KLF17: variants seen among roughly 807,000 people sequenced by gnomAD.
KLF17 encodes the protein KLF transcription factor 17.
Under a neutral mutation model 34.2 loss-of-function variants are expected in KLF17, and 31 were observed. The ratio of observed to expected loss-of-function variants is 0.91; its 90% confidence interval spans 0.68 to 1.22. The LOEUF (loss-of-function observed/expected upper bound fraction) is 1.22, where lower values mean the gene tolerates loss of function less well. Among genes scored for constraint, KLF17 ranks in the 50% most tolerant of loss-of-function variants. The probability of loss-of-function intolerance (pLI) is 0.00; values close to 1 mark genes in which losing one functional copy is unlikely to be tolerated. For synonymous variants in KLF17, 179 were observed against 186.7 expected (o/e 0.96, Z 0.34); for missense variants, 478 against 505.2 (o/e 0.95, Z 0.52).
the KLF17 span, among the ~76,000 whole-genome samples, chr1:44,085,093 T>G: frequency 2.0e-5 from 3 of 151,636 alleles, no homozygotes; most frequent in Admixed American, 6.6e-5. Context: ...TATATATATA[T>G]GTATATATAT....
chr1:44,101,691 G>C, the KLF17 span: 1 of 152,042 alleles, frequency 6.6e-6, no homozygotes, highest in Non-Finnish European at 1.5e-5. Context: ...TATTTTTCTT[G>C]ATATTTTAAG....
At chr1:44,114,470 G>C (rs144608605), upstream of KLF17, 195 of 152,388 alleles carry the variant, frequency 1.3e-3, no homozygotes, top group African/African-American at 4.3e-3. Context: ...TGCAGCAAAG[G>C]CTTCCTGGAG....
In KLF17 at chr1:44,130,590, G is replaced by A. The variant is rs1240178860; in HGVS notation, c.1004G>A (p.Arg335Gln). 4 of 1,614,040 alleles carry A rather than the reference G, an allele frequency of 2.5e-6. No individual in the cohort carries two copies. Among genetic ancestry groups the A allele is most frequent in the Admixed American group, 1.7e-5 (1 of 60,006 alleles). ...FRSDELRRHM[R>Q]VHTRYRPYKC... ...TCTGATGAGCTTAGACGACATATGC[G>A]GGTACACACCAGATATCGACCATAT... The change falls in exon 3 of 4, where the codon CGG (arginine) becomes CAG (glutamine). Residue 335 changes from arginine to glutamine, a missense_variant. By Grantham distance (43) the Arg-to-Gln change is conservative (BLOSUM62 1). Coordinates refer to ENST00000372299, the MANE Select transcript of KLF17 (RefSeq NM_173484.4).
the KLF17 span, among the ~76,000 whole-genome samples, chr1:44,067,385 T>C: frequency 6.6e-6 from 1 of 152,206 alleles, no homozygotes; most frequent in Non-Finnish European, 1.5e-5. Flanking sequence ...TGTAGCATCT[T>C]GGGCGATACT....
chr1:44,128,794 C>T (rs539661860), intron 1 of KLF17, among the ~76,000 whole-genome samples: 1 of 152,284 alleles, frequency 6.6e-6, no homozygotes, highest in South Asian at 2.1e-4. Flanking sequence ...GGGCAGATCA[C>T]CTGAGGTCAG....
At chr1:44,110,804 A>G in the KLF17 span, among the ~76,000 whole-genome samples, 1 of 152,076 alleles carries the variant, frequency 6.6e-6, no homozygotes. Flanking sequence ...GAACCTAACT[A>G]CTACTTATAT....
At chr1:44,115,488 A>AAC (rs2087872137), upstream of KLF17, 1 of 151,606 alleles carries the variant, frequency 6.6e-6, no homozygotes, top group African/African-American at 2.4e-5. Flanking sequence ...ACAAAAAAAA[A>AAC]ACAAAAACCA....
At chr1:44,127,692 T>TTCTTTCTTTCTTTTTCTTTCTTTC (rs753421834) in intron 1 of KLF17, among the ~76,000 whole-genome samples, 16 of 90,150 alleles carry the variant, frequency 1.8e-4, no homozygotes, top group South Asian at 9.1e-4. Context: ...CTTTCTTTCT[T>TTCTTTCTTTCTTTTTCTTTCTTTC]TTTCTTTCTT....
chr1:44,111,850 G>T, the KLF17 span, among the ~76,000 whole-genome samples: 1 of 152,114 alleles, frequency 6.6e-6, no homozygotes, highest in African/African-American at 2.4e-5. Context: ...CTGAGATCGC[G>T]CCATTGCACT....
At chr1:44,092,572 C>A in the KLF17 span, among the ~76,000 whole-genome samples, 3 of 151,910 alleles carry the variant, frequency 2.0e-5, no homozygotes, top group African/African-American at 7.2e-5. Flanking sequence ...ACACAACACA[C>A]CAAACTCAAT....
At chr1:44,101,980 T>A in the KLF17 span, among the ~76,000 whole-genome samples, 76 of 151,350 alleles carry the variant, frequency 5.0e-4, 3 homozygotes, top group South Asian at 0.015. Flanking sequence ...CCTGGACCCA[T>A]GAGGTCGGGG....
chr1:44,104,077 G>C, the KLF17 span: 2 of 913,610 alleles, frequency 2.2e-6, no homozygotes, highest in Non-Finnish European at 3.7e-6. Context: ...TGCAGCTCCC[G>C]GATCTTCTCT....
chr1:44,095,231 CT>C, the KLF17 span, among the ~76,000 whole-genome samples: 1 of 107,534 alleles, frequency 9.3e-6, no homozygotes, highest in African/African-American at 3.6e-5. Context: ...TTTTTTTTTC[CT>C]GAGACAGAGT....
chr1:44,081,489 C>T, the KLF17 span, among the ~76,000 whole-genome samples: 1 of 149,530 alleles, frequency 6.7e-6, no homozygotes, highest in Non-Finnish European at 1.5e-5. Context: ...AATCTTGGCT[C>T]ACTGCAACCT....
the KLF17 span, among the ~76,000 whole-genome samples, chr1:44,100,579 C>A: frequency 6.6e-6 from 1 of 151,994 alleles, no homozygotes; most frequent in Non-Finnish European, 1.5e-5. Context: ...AGAACTAATT[C>A]GAGTAACTTT....
chr1:44,057,596 T>C, the KLF17 span, among the ~76,000 whole-genome samples: 2 of 152,144 alleles, frequency 1.3e-5, no homozygotes, highest in African/African-American at 4.8e-5. Context: ...ACTATATCTC[T>C]GAGGAAATTA....
the KLF17 span, among the ~76,000 whole-genome samples, chr1:44,097,618 T>C: frequency 6.6e-6 from 1 of 152,066 alleles, no homozygotes; most frequent in African/African-American, 2.4e-5. Context: ...AAAAAAAAAT[T>C]TGTGGGTACA....
At chr1:44,124,340 T>G (rs1229565966) in intron 1 of KLF17, among the ~76,000 whole-genome samples, 1 of 151,706 alleles carries the variant, frequency 6.6e-6, no homozygotes, top group Non-Finnish European at 1.5e-5. Context: ...TATTCTTTTT[T>G]TTTTTTTGAG....
chr1:44,123,504 T>C (rs1424916752), intron 1 of KLF17, among the ~76,000 whole-genome samples: 1 of 152,228 alleles, frequency 6.6e-6, no homozygotes, highest in Non-Finnish European at 1.5e-5. Flanking sequence ...CATTTGAGTC[T>C]TTTCTTTTTC....
Sources: gnomAD v4.1 joint callset for allele counts (sites outside exome capture counted in the v4.1 genomes callset) on GRCh38, gnomAD v4.1.1 for gene constraint, MANE v1.5 for transcripts, NCBI Gene and HGNC (gene_info 2026-07-23, HGNC 2026-07-21) for gene names.